Variants in STRN observed in about 807,000 individuals in gnomAD.
STRN encodes protein phosphatase 2 regulatory subunit B'''alpha.
STRN carries 53 observed loss-of-function variants against 96.3 expected under a neutral mutation model. The ratio of observed to expected loss-of-function variants is 0.55; its 90% CI spans 0.44 to 0.69. The LOEUF is 0.69. Among genes scored for constraint, STRN ranks in the 30% least tolerant of loss-of-function variants. The pLI is 0.00. For missense variants in STRN, 987 were observed against 963.9 expected (o/e 1.02, Z -0.32); for synonymous variants, 428 against 355.9 (o/e 1.20, Z -2.28).
At chr2:36,896,972 A>G (rs1212489935) in intron 6 of STRN, among the ~76,000 whole-genome samples, 1 of 152,158 alleles carries the variant, frequency 6.6e-6, no homozygotes, top group Non-Finnish European at 1.5e-5. Context: ...GTTCGAGACC[A>G]GCCTGACCAA....
In STRN at chr2:36,893,816, G is replaced by A. The variant is rs1323472804; in HGVS notation, c.931+82C>T. The A allele has an allele frequency of 4.1e-6, 6 of 1,468,960 alleles. No individual in the cohort carries two copies. The African/African-American group carries it at 8.5e-5, about 21-fold the overall frequency. The allele number at this position is 1,468,960 out of a possible 1,614,324, so 91.0% of individuals were successfully genotyped here. A position where few individuals can be genotyped will look rare whatever the true frequency, so the allele number is the denominator to read the frequency against. ...GAATGCTCAATATTTCAACATTATA[G>A]TTAAGATGTTGCCCTCCTGGTAAAA... is the stretch of plus-strand genomic sequence containing the variant. On this transcript the variant is annotated intron_variant, in intron 7 of 17. Transcript: ENST00000263918.
chr2:36,849,086 G>C lies in STRN; in HGVS notation c.*370C>G, dbSNP rs1668152996. Reference sequence around the variant, plus strand: ...TAAGTTTCCCGTTTTCTTCTATTCAGTCCCAGCTATCAAGCTTTTAAATTA... The same window carrying C: ...TAAGTTTCCCGTTTTCTTCTATTCACTCCCAGCTATCAAGCTTTTAAATTA... On this transcript the variant is annotated 3_prime_UTR_variant, in exon 18 of 18. Transcript: ENST00000263918. The C allele has an allele frequency of 5.4e-6, 1 of 183,498 alleles. No individual in the cohort carries two copies. Among genetic ancestry groups the C allele is most frequent in the Non-Finnish European group, 1.2e-5 (1 of 86,688 alleles). The allele number at this position is 183,498 out of a possible 1,614,324, so 11.4% of individuals were successfully genotyped here.
At chr2:36,937,562 T>C (rs1670737111) in intron 1 of STRN, among the ~76,000 whole-genome samples, 1 of 151,628 alleles carries the variant, frequency 6.6e-6, no homozygotes, top group African/African-American at 2.4e-5. Context: ...CTCAGCTACC[T>C]GGTTGGGAGG....
intron 1 of STRN, among the ~76,000 whole-genome samples, chr2:36,927,325 T>C (rs12328274): frequency 0.084 from 12,787 of 151,776 alleles, 722 homozygotes; most frequent in African/African-American, 0.16. Flanking sequence ...CTGTGCAACA[T>C]AGCGAGACCA....
At chr2:36,908,893 A>C (rs7592902) in intron 3 of STRN, among the ~76,000 whole-genome samples, 71,047 of 151,706 alleles carry the variant, frequency 0.47, 16,935 homozygotes, top group East Asian at 0.67. Flanking sequence ...AGGCAGGAGA[A>C]TCACATGAAC....
At chr2:36,900,839 G>T (rs1447327242) in intron 5 of STRN, among the ~76,000 whole-genome samples, 2 of 152,072 alleles carry the variant, frequency 1.3e-5, no homozygotes, top group Non-Finnish European at 2.9e-5. Context: ...GTTGCAGTAA[G>T]CTGAGATCGT....
intron 1 of STRN, among the ~76,000 whole-genome samples, chr2:36,935,567 G>C (rs1670680903): frequency 6.6e-6 from 1 of 152,142 alleles, no homozygotes; most frequent in African/African-American, 2.4e-5. Flanking sequence ...AAAGGCAGAA[G>C]CCTTCATTCA....
intron 10 of STRN, among the ~76,000 whole-genome samples, chr2:36,877,481 T>TA (rs1668944274): frequency 6.6e-6 from 1 of 152,264 alleles, no homozygotes; most frequent in Non-Finnish European, 1.5e-5. Context: ...AACCAAGTTC[T>TA]ACACTTGTAA....
intron 14 of STRN, among the ~76,000 whole-genome samples, chr2:36,857,051 TTTC>T (rs1668363865): frequency 6.6e-6 from 1 of 152,026 alleles, no homozygotes; most frequent in South Asian, 2.1e-4. Context: ...GTCTCAGGTA[TTTC>T]TTTATAGTGG....
At chr2:36,950,272 G>C (rs1031906125) in intron 1 of STRN, among the ~76,000 whole-genome samples, 2 of 141,142 alleles carry the variant, frequency 1.4e-5, no homozygotes, top group African/African-American at 5.3e-5. Context: ...CTGGAGTGCA[G>C]TGGCTTGATC....
chr2:36,867,910 ATAAT>A (rs1345213479), intron 11 of STRN, 49 bp from the exon 12 acceptor site: 1 of 1,373,544 alleles, frequency 7.3e-7, no homozygotes, highest in Non-Finnish European at 1.0e-6. Flanking sequence ...AGTAAACAGT[ATAAT>A]TAAACATATG....
At chr2:36,954,828 G>T (rs552850866) in intron 1 of STRN, among the ~76,000 whole-genome samples, 5 of 151,754 alleles carry the variant, frequency 3.3e-5, no homozygotes, top group African/African-American at 7.3e-5. Flanking sequence ...TAGTAGAAAC[G>T]GGGTTTCACC....
intron 1 of STRN, among the ~76,000 whole-genome samples, chr2:36,929,477 A>T (rs139090975): frequency 0.02 from 3,083 of 151,218 alleles, 103 homozygotes; most frequent in African/African-American, 0.071. Flanking sequence ...TCAGCCTCCC[A>T]GGGTCGAAGT....
chr2:36,954,491 G>A (rs1406708469), intron 1 of STRN, among the ~76,000 whole-genome samples: 18 of 143,156 alleles, frequency 1.3e-4, no homozygotes, highest in Non-Finnish European at 1.4e-4. Flanking sequence ...CAGCCTGGGC[G>A]ACAGAGTAAA....
intron 9 of STRN, among the ~76,000 whole-genome samples, chr2:36,880,205 C>G (rs186439414): frequency 6.6e-6 from 1 of 152,132 alleles, no homozygotes; most frequent in African/African-American, 2.4e-5. Context: ...TGACCTCAAG[C>G]GATCTCCCTG....
chr2:36,964,493 T>TCTCCAACCA (rs1665108922), intron 1 of STRN, among the ~76,000 whole-genome samples: 1 of 152,192 alleles, frequency 6.6e-6, no homozygotes, highest in East Asian at 1.9e-4. Context: ...TGTTGGAGAC[T>TCTCCAACCA]ATATAAACAA....
intron 1 of STRN, among the ~76,000 whole-genome samples, chr2:36,957,413 C>A (rs1664915066): frequency 6.6e-6 from 1 of 152,078 alleles, no homozygotes; most frequent in African/African-American, 2.4e-5. Flanking sequence ...CATGGCAAAA[C>A]CTCGTCTCTA....
At chr2:36,887,042 GACACACACACACACACACACACACACAC>G (rs70946957) in intron 7 of STRN, among the ~76,000 whole-genome samples, 5 of 144,888 alleles carry the variant, frequency 3.5e-5, no homozygotes, top group Admixed American at 7.0e-5. Flanking sequence ...TCTCCTGAAA[GACACACACACACACACACACACACACAC>G]ACACACACAC....
intron 10 of STRN, among the ~76,000 whole-genome samples, chr2:36,877,308 T>C (rs1255284439): frequency 2.6e-5 from 4 of 151,882 alleles, no homozygotes; most frequent in African/African-American, 9.7e-5. Flanking sequence ...GAAAACAAAA[T>C]CCAAATTTGG....
Sources: gnomAD v4.1 joint callset for allele counts (sites outside exome capture counted in the v4.1 genomes callset) on GRCh38, gnomAD v4.1.1 for gene constraint, MANE v1.5 for transcripts, NCBI Gene and HGNC (gene_info 2026-07-23, HGNC 2026-07-21) for gene names.